UBE3D: variants seen among roughly 807,000 people sequenced by gnomAD.
UBE3D encodes the protein ubiquitin protein ligase E3D.
Under a neutral mutation model 49.6 loss-of-function variants are expected in UBE3D, and 48 were observed. The ratio of observed to expected loss-of-function variants is 0.97; its 90% CI spans 0.77 to 1.23. The LOEUF (loss-of-function observed/expected upper bound fraction) is 1.23. Ranked by LOEUF, UBE3D falls within the 50% of genes most tolerant of loss-of-function variation. The pLI, the probability that UBE3D is intolerant of heterozygous loss-of-function variation, is 0.00. For missense variants in UBE3D, 452 were observed against 468.4 expected (o/e 0.96, Z 0.32); for synonymous variants, 189 against 174.2 (o/e 1.08, Z -0.67).
At chr6:82,912,893 A>G (rs192701023) in intron 9 of UBE3D, among the ~76,000 whole-genome samples, 91 of 152,096 alleles carry the variant, frequency 6.0e-4, no homozygotes, top group Middle Eastern at 3.4e-3. Flanking sequence ...GTTATTCTCT[A>G]CTCTAGGCAT....
intron 5 of UBE3D, among the ~76,000 whole-genome samples, chr6:83,026,838 T>A (rs556112876): frequency 1.3e-5 from 2 of 152,044 alleles, no homozygotes; most frequent in African/African-American, 4.8e-5. Context: ...ACTACAGGCA[T>A]GCACCACTAT....
chr6:82,934,621 C>A (rs1290040524), intron 9 of UBE3D, among the ~76,000 whole-genome samples: 2 of 151,714 alleles, frequency 1.3e-5, no homozygotes, highest in Non-Finnish European at 2.9e-5. Flanking sequence ...GGTGAGCTTG[C>A]AAATCAAAAT....
chr6:83,003,244 A>G (rs1779752855), intron 8 of UBE3D, among the ~76,000 whole-genome samples: 1 of 152,138 alleles, frequency 6.6e-6, no homozygotes. Flanking sequence ...TCCTCTACCC[A>G]ATCCCAGTCC....
At chr6:82,936,224 C>T (rs942580482) in intron 9 of UBE3D, among the ~76,000 whole-genome samples, 2 of 152,056 alleles carry the variant, frequency 1.3e-5, no homozygotes, top group African/African-American at 2.4e-5. Flanking sequence ...ATTAGTGAAA[C>T]AAAAATGTAA....
At chr6:82,922,973 G>A (rs1425488961) in intron 9 of UBE3D, among the ~76,000 whole-genome samples, 1 of 152,154 alleles carries the variant, frequency 6.6e-6, no homozygotes, top group African/African-American at 2.4e-5. Flanking sequence ...CATCATCACT[G>A]GTCATCAGAG....
chr6:82,885,683 G>C, the UBE3D span, among the ~76,000 whole-genome samples: 12 of 152,104 alleles, frequency 7.9e-5, no homozygotes, highest in African/African-American at 2.9e-4. Context: ...TATATTTTCT[G>C]TTCTTGTTGT....
intron 9 of UBE3D, among the ~76,000 whole-genome samples, chr6:82,929,148 G>C (rs1773958545): frequency 6.6e-6 from 1 of 151,680 alleles, no homozygotes; most frequent in African/African-American, 2.4e-5. Context: ...TATCCATCCA[G>C]TCCACATCCA....
chr6:83,040,395 CTCTCTCTCTA>C (rs920545234), intron 4 of UBE3D, among the ~76,000 whole-genome samples: 13 of 88,526 alleles, frequency 1.5e-4, no homozygotes, highest in Admixed American at 7.6e-4. Flanking sequence ...CTCTCTCTCT[CTCTCTCTCTA>C]TATATATATA....
chr6:82,943,600 C>T (rs1319013345), intron 9 of UBE3D, among the ~76,000 whole-genome samples: 3 of 152,156 alleles, frequency 2.0e-5, no homozygotes, highest in South Asian at 2.1e-4. Flanking sequence ...CACACCACTA[C>T]ACTACAACCT....
In UBE3D at chr6:83,065,766, C is replaced by G. The variant is rs1784466328; in HGVS notation, c.-48G>C. The G allele has an allele frequency of 1.3e-6, 2 of 1,556,712 alleles. No individual in the cohort carries two copies. Among genetic ancestry groups the G allele is most frequent in the African/African-American group, 1.4e-5 (1 of 73,194 alleles). On this transcript the variant is annotated 5_prime_UTR_variant, in exon 1 of 10. Transcript: ENST00000369747. ...GGACCAAGCTGGAGGTTCCGAGGGGCCCGGGTCAACAGGACCAGGAGAGGT... is the reference window on the plus strand; with the variant it reads ...GGACCAAGCTGGAGGTTCCGAGGGGGCCGGGTCAACAGGACCAGGAGAGGT...
At chr6:82,900,599 C>A (rs1177298561) in intron 9 of UBE3D, among the ~76,000 whole-genome samples, 1 of 152,150 alleles carries the variant, frequency 6.6e-6, no homozygotes, top group Non-Finnish European at 1.5e-5. Context: ...CGCTTTCTGA[C>A]CCACTGTGAA....
intron 8 of UBE3D, among the ~76,000 whole-genome samples, chr6:83,015,875 G>T (rs993886514): frequency 6.6e-6 from 1 of 152,168 alleles, no homozygotes; most frequent in Non-Finnish European, 1.5e-5. Flanking sequence ...AGGGGACATT[G>T]CCACTACTGG....
Position 82,893,009 on chromosome 6 carries a change from C to T in UBE3D, c.*13G>A, listed in dbSNP as rs1771048613. The T allele has an allele frequency of 1.2e-6, 2 of 1,613,530 alleles. No individual in the cohort carries two copies. The highest frequency in any genetic ancestry group is 1.3e-5 in the African/African-American group (1 of 74,866). ...GCTGTCTGCCGGGGGAGGAGAATGC[C>T]CAGCTCTAATAGTTACATCTTCAAA... On this transcript the variant is annotated 3_prime_UTR_variant, in exon 10 of 10. Transcript: ENST00000369747.
Position 83,065,825 on chromosome 6 carries a change from G to T in UBE3D, c.-107C>A. On this transcript the variant is annotated 5_prime_UTR_variant, in exon 1 of 10. Transcript: ENST00000369747. Reference sequence around the variant, plus strand: ...CGGACCAACCAGCGGCAGCCCCGCTGCGGCGCAGGCGCCTGTGCCAGATCG... The same window carrying T: ...CGGACCAACCAGCGGCAGCCCCGCTTCGGCGCAGGCGCCTGTGCCAGATCG... 8.6e-7 allele frequency: 1 copy of T among 1,167,876 alleles called. No homozygotes were observed. The highest frequency in any genetic ancestry group is 1.2e-6 in the Non-Finnish European group (1 of 822,546). The allele number at this position is 1,167,876 out of a possible 1,614,324, so 72.3% of individuals were successfully genotyped here. A position where few individuals can be genotyped will look rare whatever the true frequency, so the allele number is the denominator to read the frequency against.
chr6:82,947,899 C>T (rs1775521650), intron 9 of UBE3D, among the ~76,000 whole-genome samples: 2 of 152,032 alleles, frequency 1.3e-5, no homozygotes, highest in South Asian at 2.1e-4. Context: ...ACTATAAGTG[C>T]CTACATCAAA....
At chr6:83,015,556 A>G (rs1162637871) in intron 8 of UBE3D, among the ~76,000 whole-genome samples, 1 of 152,188 alleles carries the variant, frequency 6.6e-6, no homozygotes, top group Non-Finnish European at 1.5e-5. Flanking sequence ...CTTAGTATCC[A>G]TTCCCATGCC....
intron 2 of UBE3D, among the ~76,000 whole-genome samples, chr6:83,056,796 G>A (rs1783842543): frequency 6.6e-6 from 1 of 152,176 alleles, no homozygotes; most frequent in African/African-American, 2.4e-5. Flanking sequence ...GATCCACACA[G>A]CGCAGATGAA....
chr6:83,064,616 T>G (rs539561898), intron 1 of UBE3D, among the ~76,000 whole-genome samples: 3 of 152,276 alleles, frequency 2.0e-5, no homozygotes, highest in South Asian at 2.1e-4. Context: ...GGTTTTTGTT[T>G]TATTTTGGTA....
chr6:83,063,440 A>G (rs1229383039), intron 1 of UBE3D, among the ~76,000 whole-genome samples: 1 of 151,098 alleles, frequency 6.6e-6, no homozygotes, highest in African/African-American at 2.4e-5. Context: ...AAAAAAAAGA[A>G]AAGAAAATGA....
Sources: allele counts gnomAD v4.1 joint callset (sites outside exome capture counted in the v4.1 genomes callset), GRCh38; gene constraint gnomAD v4.1.1; transcripts MANE v1.5; gene names NCBI Gene and HGNC (gene_info 2026-07-23, HGNC 2026-07-21).